ARHGAP22: variants seen among roughly 807,000 people sequenced by gnomAD.
The protein encoded by ARHGAP22 is Rho GTPase activating protein 22.
In ARHGAP22, 48 loss-of-function variants were observed where a neutral mutation model predicts 59.1. The observed-to-expected ratio is 0.81, with a 90% CI of 0.64 to 1.03. The LOEUF (loss-of-function observed/expected upper bound fraction) is 1.03, where lower values mean the gene tolerates loss of function less well. Ranked by LOEUF, ARHGAP22 falls within the 50% of genes least tolerant of loss-of-function variation. ARHGAP22 has a pLI of 0.00. For synonymous variants in ARHGAP22, 445 were observed against 416.4 expected, an observed-to-expected ratio of 1.07 and a Z score of -0.84; for missense variants, 1,015 against 958.7, an observed-to-expected ratio of 1.06 and a Z score of -0.78.
At chr10:48,455,233 A>T in intron 5 of ARHGAP22, 99 bp from the exon 6 acceptor site, 1 of 1,387,398 alleles carries the variant, frequency 7.2e-7, no homozygotes, top group African/African-American at 1.4e-5. Context: ...CTCTGGTCTC[A>T]GGTGCATTCT....
At chr10:48,634,397 G>C (rs1256124467) in intron 1 of ARHGAP22, among the ~76,000 whole-genome samples, 1 of 152,218 alleles carries the variant, frequency 6.6e-6, no homozygotes, top group Non-Finnish European at 1.5e-5. Context: ...GGTGCAGAGG[G>C]CGGTGAGCCT....
chr10:48,480,897 G>A (rs1432981081), intron 3 of ARHGAP22, among the ~76,000 whole-genome samples: 1 of 152,180 alleles, frequency 6.6e-6, no homozygotes, highest in African/African-American at 2.4e-5. Context: ...CCATCTCTCC[G>A]CCAAGAACTG....
At chr10:48,465,647 C>T (rs955015887) in intron 4 of ARHGAP22, among the ~76,000 whole-genome samples, 1 of 152,230 alleles carries the variant, frequency 6.6e-6, no homozygotes, top group South Asian at 2.1e-4. Flanking sequence ...GAGCTGATCC[C>T]GGAGCAGAGT....
At position 48,604,943 on chromosome 10, in the gene ARHGAP22, A is replaced by G; in HGVS notation, c.-147T>C. On this transcript the variant is annotated 5_prime_UTR_variant, in exon 1 of 10. Coordinates refer to ENST00000249601, the MANE Select transcript of ARHGAP22 (RefSeq NM_021226.4). ...CGTCACCCGTCAGGCTCCCTCGGCT[A>G]CCTCTCCTGGCTCCGGACGGACGGC... 1.3e-6 allele frequency: 2 copies of G among 1,537,932 alleles called. No homozygotes were observed. The highest frequency in any genetic ancestry group is 1.7e-6 in the Non-Finnish European group (2 of 1,145,322).
At chr10:48,615,953 A>AG (rs1423745840) in intron 1 of ARHGAP22, among the ~76,000 whole-genome samples, 1 of 146,104 alleles carries the variant, frequency 6.8e-6, no homozygotes, top group African/African-American at 2.7e-5. Flanking sequence ...TCTGAGGAAC[A>AG]GAAAAAAAAA....
In ARHGAP22 at chr10:48,450,664, GTC is replaced by G; in HGVS notation, c.1463_1464del (p.Arg488ThrfsTer117). On this transcript the variant is annotated frameshift_variant, in exon 9 of 10. Transcript: ENST00000249601. LOFTEE classifies it high-confidence loss of function. Reference protein sequence around the residue: ...DRLKDSGSVQRLSTYDNVPAP... With the variant: ...DRLKDSGSVQXLSTYDNVPAP... ...GCGGGCACATTGTCGTAGGTGGAGA[GTC>G]TCTGCACGGAGCCCGAGTCCTTGAG... is the stretch of plus-strand genomic sequence containing the variant. The G allele has an allele frequency of 1.9e-6, 3 of 1,550,492 alleles. No individual in the cohort carries two copies. The highest frequency in any genetic ancestry group is 2.6e-6 in the Non-Finnish European group (3 of 1,147,122).
chr10:48,577,774 A>G (rs929349836), intron 2 of ARHGAP22, among the ~76,000 whole-genome samples: 1 of 123,816 alleles, frequency 8.1e-6, no homozygotes, highest in African/African-American at 3.1e-5. Context: ...TTGCTCAGAA[A>G]ATCTGAGATC....
chr10:48,654,779 TTTCTTTCTTTCTTTCTTTC>T (rs2062697942), upstream of ARHGAP22, among the ~76,000 whole-genome samples: 1 of 55,374 alleles, frequency 1.8e-5, no homozygotes. Flanking sequence ...GATTACTTTC[TTTCTTTCTTTCTTTCTTTC>T]TTTCTTTCTT....
intron 1 of ARHGAP22, among the ~76,000 whole-genome samples, chr10:48,616,122 T>C (rs562198717): frequency 6.6e-6 from 1 of 152,306 alleles, no homozygotes; most frequent in South Asian, 2.1e-4. Context: ...GGCAATGCTG[T>C]GTCAAGTGAG....
intron 1 of ARHGAP22, among the ~76,000 whole-genome samples, chr10:48,618,303 C>T (rs938570607): frequency 1.3e-5 from 2 of 151,876 alleles, no homozygotes; most frequent in Non-Finnish European, 2.9e-5. Context: ...TAAACTATTC[C>T]AGAAAATACA....
chr10:48,452,437 C>A (rs1756442031), intron 8 of ARHGAP22, among the ~76,000 whole-genome samples: 2 of 152,186 alleles, frequency 1.3e-5, no homozygotes, highest in Admixed American at 1.3e-4. Context: ...TACCACCAGG[C>A]AGGTAGGAGC....
chr10:48,530,236 C>CAAAAAAAA (rs60902650), intron 3 of ARHGAP22, among the ~76,000 whole-genome samples: 13 of 49,038 alleles, frequency 2.7e-4, no homozygotes, highest in African/African-American at 4.3e-4. Context: ...GACTCCATTG[C>CAAAAAAAA]AAAAAAAAAA....
At chr10:48,553,798 T>C (rs1447889065) in intron 3 of ARHGAP22, among the ~76,000 whole-genome samples, 1 of 152,158 alleles carries the variant, frequency 6.6e-6, no homozygotes, top group Non-Finnish European at 1.5e-5. Flanking sequence ...ATAATGAACA[T>C]GCACACAGGT....
chr10:48,430,792 C>G, the ARHGAP22 span: 3 of 210,930 alleles, frequency 1.4e-5, no homozygotes, highest in South Asian at 1.7e-4. Context: ...GCACCAGGCT[C>G]TATTCCAGGG....
At chr10:48,431,825 G>C in the ARHGAP22 span, among the ~76,000 whole-genome samples, 1 of 152,128 alleles carries the variant, frequency 6.6e-6, no homozygotes, top group African/African-American at 2.4e-5. Flanking sequence ...AAAGTATAAA[G>C]AATAGAGGGG....
intron 9 of ARHGAP22, among the ~76,000 whole-genome samples, chr10:48,447,306 A>G (rs988050514): frequency 1.3e-5 from 2 of 152,206 alleles, no homozygotes; most frequent in African/African-American, 4.8e-5. Flanking sequence ...CCGAAGGGAC[A>G]CACCTGAGCC....
intron 1 of ARHGAP22, among the ~76,000 whole-genome samples, chr10:48,633,326 G>A (rs924818575): frequency 3.9e-5 from 6 of 152,196 alleles, no homozygotes; most frequent in African/African-American, 9.7e-5. Flanking sequence ...AAGTAAAACT[G>A]GGAGAAAGCT....
At chr10:48,474,720 A>C (rs191090411) in intron 4 of ARHGAP22, among the ~76,000 whole-genome samples, 1 of 152,206 alleles carries the variant, frequency 6.6e-6, no homozygotes, top group Non-Finnish European at 1.5e-5. Flanking sequence ...TAAGACGGTC[A>C]TGTGTTTTTG....
intron 1 of ARHGAP22, among the ~76,000 whole-genome samples, chr10:48,634,640 G>T (rs1002794969): frequency 6.6e-6 from 1 of 152,124 alleles, no homozygotes; most frequent in African/African-American, 2.4e-5. Context: ...TGCCCAGCCT[G>T]TTCTTTGGAA....
Sources: allele counts gnomAD v4.1 joint callset (sites outside exome capture counted in the v4.1 genomes callset), GRCh38; gene constraint gnomAD v4.1.1; transcripts MANE v1.5; gene names NCBI Gene and HGNC (gene_info 2026-07-23, HGNC 2026-07-21).